LPIN1: variants seen among roughly 807,000 people sequenced by gnomAD.
LPIN1 encodes the protein lipin 1.
Under a neutral mutation model 107.5 loss-of-function variants are expected in LPIN1, and 71 were observed. The observed-to-expected ratio is 0.66, with a 90% CI of 0.55 to 0.80. LPIN1 has a LOEUF of 0.80. Ranked by LOEUF, LPIN1 falls within the 30% of genes least tolerant of loss-of-function variation. The pLI is 0.00. For synonymous variants in LPIN1, 445 were observed against 452.6 expected (o/e 0.98, Z 0.21); for missense variants, 1,043 against 1,160.6 (o/e 0.90, Z 1.47).
At chr2:11,701,726 C>G (rs951949276) in intron 1 of LPIN1, among the ~76,000 whole-genome samples, 1 of 152,206 alleles carries the variant, frequency 6.6e-6, no homozygotes, top group Non-Finnish European at 1.5e-5. Context: ...ATGACTAGGT[C>G]GAGGTCACAC....
chr2:11,788,096 A>G (rs1173932548), intron 11 of LPIN1, among the ~76,000 whole-genome samples: 2 of 152,182 alleles, frequency 1.3e-5, no homozygotes, highest in Non-Finnish European at 2.9e-5. Context: ...TACCCCAAGC[A>G]CGTCGTGGTT....
intron 1 of LPIN1, among the ~76,000 whole-genome samples, chr2:11,688,777 T>C (rs75210379): frequency 1.3e-5 from 2 of 152,206 alleles, no homozygotes; most frequent in Admixed American, 6.5e-5. Context: ...ATAAGGTGAT[T>C]TGAGTTTCAA....
At chr2:11,748,271 G>A (rs1417197232) in intron 1 of LPIN1, among the ~76,000 whole-genome samples, 1 of 152,230 alleles carries the variant, frequency 6.6e-6, no homozygotes, top group Non-Finnish European at 1.5e-5. Context: ...AGAACAGACG[G>A]CAGGGGAGGG....
intron 2 of LPIN1, 193 bp from the exon 3 acceptor site, chr2:11,767,570 C>T: frequency 1.6e-6 from 1 of 626,124 alleles, no homozygotes; most frequent in Non-Finnish European, 2.9e-6. Flanking sequence ...GACCTGCCCT[C>T]CCGAACCCAG....
At chr2:11,704,970 G>A (rs1663053662) in intron 1 of LPIN1, among the ~76,000 whole-genome samples, 1 of 152,328 alleles carries the variant, frequency 6.6e-6, no homozygotes. Flanking sequence ...CAGGAACAGA[G>A]GAGAACTTCC....
intron 2 of LPIN1, among the ~76,000 whole-genome samples, chr2:11,713,989 A>G (rs775778691): frequency 6.6e-6 from 1 of 152,196 alleles, no homozygotes; most frequent in Non-Finnish European, 1.5e-5. Context: ...ATGCTTGATT[A>G]GCTCCCCATG....
rs199584114 is a variant in LPIN1 at position 11,782,359 on chromosome 2, T to A, written c.1116T>A (p.Pro372=). ...GGGCACTTTTGGACCAGAACAAGCC[T>A]CAGACAGAAATGCAGTTTGTGAATG... is the stretch of plus-strand genomic sequence containing the variant. ...VGGALLDQNK[P]QTEMQFVNEE... Residue 372 remains proline, a synonymous_variant, in exon 8 of 21, where the codon CCT becomes CCA. Coordinates refer to ENST00000674199, the MANE Select transcript of LPIN1 (RefSeq NM_001349206.2). The A allele has an allele frequency of 1.2e-6, 2 of 1,614,076 alleles. No homozygotes were observed. The highest frequency in any genetic ancestry group is 4.5e-5 in the East Asian group (2 of 44,900).
At chr2:11,700,890 C>A (rs538662858) in intron 1 of LPIN1, among the ~76,000 whole-genome samples, 2 of 152,214 alleles carry the variant, frequency 1.3e-5, no homozygotes, top group African/African-American at 2.4e-5. Flanking sequence ...GGCTCCCAGA[C>A]AGCTCCTCTG....
At chr2:11,759,972 T>G (rs1572630533) in intron 1 of LPIN1, among the ~76,000 whole-genome samples, 1 of 135,540 alleles carries the variant, frequency 7.4e-6, no homozygotes, top group East Asian at 2.2e-4. Flanking sequence ...ACGGGGTGGC[T>G]GCCGGGCGGA....
upstream of LPIN1, among the ~76,000 whole-genome samples, chr2:11,746,327 C>T (rs2148565158): frequency 6.6e-6 from 1 of 152,296 alleles, no homozygotes; most frequent in South Asian, 2.1e-4. Flanking sequence ...CTTTTCTCTG[C>T]ACCCCTCCGT....
intron 1 of LPIN1, among the ~76,000 whole-genome samples, chr2:11,709,749 G>A (rs976928937): frequency 1.2e-4 from 19 of 152,210 alleles, no homozygotes; most frequent in African/African-American, 4.1e-4. Flanking sequence ...AGCAGCCCAC[G>A]ACTTTGAGCC....
chr2:11,693,788 G>GTGTA lies in LPIN1; in HGVS notation c.81+16061_81+16062insGTAT, dbSNP rs1375045563. On this transcript the variant is annotated intron_variant, in intron 1 of 21. Transcript: ENST00000449576. Reference sequence around the variant, plus strand: ...GCCATATATGTGTGTGTGTGAGTGTGTATATATATATATATATATATATAT... The same window carrying GTGTA: ...GCCATATATGTGTGTGTGTGAGTGTGTGTATATATATATATATATATATATATAT... Among the ~76,000 whole-genome samples, 219 of 40,984 alleles carry GTGTA rather than the reference G, an allele frequency of 5.3e-3. 2 individuals carry two copies. Among genetic ancestry groups the GTGTA allele is most frequent in the Non-Finnish European group, 7.5e-3 (176 of 23,620 alleles). The allele number at this position is 40,984 out of a possible 152,430, so 26.9% of individuals were successfully genotyped here.
At chr2:11,796,976 C>T (rs1250573731) in intron 14 of LPIN1, among the ~76,000 whole-genome samples, 1 of 152,174 alleles carries the variant, frequency 6.6e-6, no homozygotes, top group Admixed American at 6.5e-5. Context: ...CCAGTGCCAC[C>T]GTCAGTGCCC....
At chr2:11,678,279 T>C (rs1661532843) in intron 1 of LPIN1, among the ~76,000 whole-genome samples, 1 of 152,204 alleles carries the variant, frequency 6.6e-6, no homozygotes, top group East Asian at 1.9e-4. Context: ...TTTGCTGTTG[T>C]TGCACAAAAG....
rs570197156 is a variant in LPIN1 at position 11,734,126 on chromosome 2, C to T, written c.-71-7223C>T. On this transcript the variant is annotated intron_variant, in intron 1 of 21. Transcript: ENST00000396097. ...AGACCAGTTTGTATTAAATTAGAGA[C>T]CTTCATTCACATTGCAATGTGACAT... Among the ~76,000 whole-genome samples the T allele has an allele frequency of 1.8e-4, 27 of 152,318 alleles. 1 individual carries two copies. The South Asian group carries it at 5.6e-3, about 32-fold the overall frequency.
intron 1 of LPIN1, among the ~76,000 whole-genome samples, chr2:11,735,219 G>T (rs1214634149): frequency 6.6e-6 from 1 of 151,616 alleles, no homozygotes; most frequent in African/African-American, 2.4e-5. Flanking sequence ...TTGAGCCTGG[G>T]AGGCAGAGGT....
chr2:11,697,876 G>T lies in LPIN1; in HGVS notation c.82-15880G>T, dbSNP rs1662668207. 6.6e-6 allele frequency among the ~76,000 whole-genome samples: 1 copy of T among 152,106 alleles called. No individual in the cohort carries two copies. The highest frequency in any genetic ancestry group is 2.1e-4 in the South Asian group (1 of 4,828). Reference sequence around the variant, plus strand: ...CATGGAAGCGAGTGTGCTCAGAAATGCAGGTTCTCCCGAGGGGCAGCCCTC... The same window carrying T: ...CATGGAAGCGAGTGTGCTCAGAAATTCAGGTTCTCCCGAGGGGCAGCCCTC... On this transcript the variant is annotated intron_variant, in intron 1 of 21. Coordinates refer to the LPIN1 transcript ENST00000449576. The surrounding 1 kb of genome is among the most constrained non-coding windows in gnomAD (Gnocchi z 4.6).
rs148960484 is a variant in LPIN1, at chr2:11,777,002, C to T, written c.830+809C>T. ...AAAACAAAGTTGTTAATAGTTAAAA[C>T]TAACTAGCCTTATTGGGACTGGCAA... On this transcript the variant is annotated intron_variant, in intron 6 of 20. Coordinates refer to ENST00000674199, the MANE Select transcript of LPIN1 (RefSeq NM_001349206.2). 6.1e-4 allele frequency among the ~76,000 whole-genome samples: 93 copies of T among 152,352 alleles called. 3 individuals are homozygous for T. In the East Asian group the frequency reaches 0.012, roughly 19 times the overall value.
chr2:11,767,714 G>C, intron 2 of LPIN1, 49 bp from the exon 3 acceptor site: 2 of 1,230,346 alleles, frequency 1.6e-6, no homozygotes, highest in Non-Finnish European at 2.4e-6. Flanking sequence ...GAGGTCTCCT[G>C]TCCTGGTGAA....
Sources: gnomAD v4.1 joint callset for allele counts (sites outside exome capture counted in the v4.1 genomes callset) on GRCh38, gnomAD v4.1.1 for gene constraint, Gnocchi (gnomAD v3.1) non-coding constraint, MANE v1.5 for transcripts, NCBI Gene and HGNC (gene_info 2026-07-23, HGNC 2026-07-21) for gene names.